Variants in PLEKHG1 observed in about 807,000 individuals in gnomAD.
PLEKHG1 encodes pleckstrin homology and RhoGEF domain containing G1.
Under a neutral mutation model 100.8 loss-of-function variants are expected in PLEKHG1, and 44 were observed. The observed-to-expected ratio is 0.44, with a 90% CI of 0.34 to 0.56. The LOEUF (loss-of-function observed/expected upper bound fraction) is 0.56. Among genes scored for constraint, PLEKHG1 ranks in the 20% least tolerant of loss-of-function variants. PLEKHG1 has a pLI of 0.01. For synonymous variants in PLEKHG1, 640 were observed against 662.5 expected, an observed-to-expected ratio of 0.97 and a Z score of 0.52; for missense variants, 1,545 against 1,720.9, an observed-to-expected ratio of 0.90 and a Z score of 1.81.
In PLEKHG1 at chr6:150,833,559, ACTGATCT is replaced by A. The variant is rs538174698; in HGVS notation, c.3094+1358_3094+1364del. On this transcript the variant is annotated intron_variant, in intron 15 of 15. Coordinates refer to ENST00000358517, the Ensembl canonical transcript of PLEKHG1. ...CTTTTTTTGAAGGCCAAAATTTAACACTGATCTCTGGGGAAGAGCCTAGCTGTGAATA... is the reference window on the plus strand; with the variant it reads ...CTTTTTTTGAAGGCCAAAATTTAACACTGGGGAAGAGCCTAGCTGTGAATA... Among the ~76,000 whole-genome samples the A allele has an allele frequency of 5.6e-4, 86 of 152,282 alleles. No homozygotes were observed. In the South Asian group the frequency reaches 9.1e-3, roughly 16 times the overall value.
intron 3 of PLEKHG1, among the ~76,000 whole-genome samples, chr6:150,782,904 G>A (rs1479884704): frequency 1.3e-5 from 2 of 152,110 alleles, no homozygotes; most frequent in South Asian, 4.1e-4. Flanking sequence ...AATTTGAGAA[G>A]AGCATCTAAC....
At chr6:150,776,124 A>C (rs578169343) in intron 3 of PLEKHG1, among the ~76,000 whole-genome samples, 1 of 152,298 alleles carries the variant, frequency 6.6e-6, no homozygotes, top group East Asian at 1.9e-4. Flanking sequence ...TTCACATGGG[A>C]TATGTTCTGT....
intron 1 of PLEKHG1, chr6:150,625,918 T>C (rs1268838348): frequency 6.6e-6 from 1 of 152,120 alleles, no homozygotes. Context: ...CAACTGGATA[T>C]TAGATGATGT....
chr6:150,815,694 C>A (rs1231797064), intron 10 of PLEKHG1, among the ~76,000 whole-genome samples: 1 of 152,180 alleles, frequency 6.6e-6, no homozygotes, highest in African/African-American at 2.4e-5. Flanking sequence ...AAGCCCCACA[C>A]TTTTTCACTA....
chr6:150,792,416 G>C (rs543331271), intron 4 of PLEKHG1, among the ~76,000 whole-genome samples: 1 of 150,438 alleles, frequency 6.6e-6, no homozygotes, highest in East Asian at 2.0e-4. Flanking sequence ...GCTCACACCT[G>C]TAATCCCAAC....
chr6:150,621,586 GC>G (rs760496921), intron 1 of PLEKHG1, among the ~76,000 whole-genome samples: 1 of 152,080 alleles, frequency 6.6e-6, no homozygotes, highest in Non-Finnish European at 1.5e-5. Flanking sequence ...TGTTGGCCAG[GC>G]TAGTCTTGAA....
intron 2 of PLEKHG1, among the ~76,000 whole-genome samples, chr6:150,750,697 C>T (rs1038185706): frequency 7.3e-6 from 1 of 136,066 alleles, no homozygotes; most frequent in Non-Finnish European, 1.5e-5. Flanking sequence ...AGGAGAATGG[C>T]GTGAACCCGG....
intron 2 of PLEKHG1, among the ~76,000 whole-genome samples, chr6:150,750,016 A>G (rs1460698907): frequency 3.3e-5 from 5 of 151,416 alleles, no homozygotes; most frequent in East Asian, 3.9e-4. Flanking sequence ...AGGTTGCAGT[A>G]AGCTGAGATC....
chr6:150,718,097 TAAA>T (rs1443055294), upstream of PLEKHG1, among the ~76,000 whole-genome samples: 1 of 152,062 alleles, frequency 6.6e-6, no homozygotes, highest in Admixed American at 6.6e-5. Context: ...ATTAATTAGA[TAAA>T]AAATTAAATG....
chr6:150,722,859 C>T (rs1419564354), intron 1 of PLEKHG1, among the ~76,000 whole-genome samples: 1 of 152,102 alleles, frequency 6.6e-6, no homozygotes, highest in African/African-American at 2.4e-5. Flanking sequence ...TATATATAAC[C>T]ATCACTGTTT....
At chr6:150,612,205 C>A (rs1020731873) in intron 1 of PLEKHG1, among the ~76,000 whole-genome samples, 2 of 152,208 alleles carry the variant, frequency 1.3e-5, no homozygotes, top group African/African-American at 4.8e-5. Context: ...CCCTTCCCAG[C>A]CTTTTAGACT....
chr6:150,835,319 C>T (rs1485940411), intron 15 of PLEKHG1, among the ~76,000 whole-genome samples: 1 of 152,118 alleles, frequency 6.6e-6, no homozygotes, highest in African/African-American at 2.4e-5. Flanking sequence ...GAGAAAACTC[C>T]ATACAGGCTT....
intron 3 of PLEKHG1, among the ~76,000 whole-genome samples, chr6:150,769,090 C>G (rs537954812): frequency 1.3e-5 from 2 of 152,274 alleles, no homozygotes; most frequent in African/African-American, 2.4e-5. Flanking sequence ...AACTTTTCTT[C>G]TACCTGGGGA....
exon 16 of PLEKHG1, chr6:150,840,635 A>G (rs1777479824): frequency 1.2e-6 from 2 of 1,614,150 alleles, no homozygotes; most frequent in African/African-American, 2.7e-5. Context: ...ACAATCGTAG[A>G]AGGAAATCTG....
intron 3 of PLEKHG1, among the ~76,000 whole-genome samples, chr6:150,775,907 T>C (rs906938839): frequency 1.3e-4 from 20 of 152,142 alleles, no homozygotes; most frequent in Admixed American, 1.3e-3. Flanking sequence ...AGTGAAATTA[T>C]TGGAGTAATT....
At chr6:150,825,555 G>A (rs1407032097) in intron 14 of PLEKHG1, among the ~76,000 whole-genome samples, 1 of 151,914 alleles carries the variant, frequency 6.6e-6, no homozygotes, top group Non-Finnish European at 1.5e-5. Context: ...CTGGGCAACA[G>A]AGTGAGATTC....
chr6:150,705,962 A>G (rs775532996), intron 3 of PLEKHG1, among the ~76,000 whole-genome samples: 1 of 152,196 alleles, frequency 6.6e-6, no homozygotes, highest in Non-Finnish European at 1.5e-5. Context: ...GTCAAAATGC[A>G]CAAATGCTCT....
intron 10 of PLEKHG1, among the ~76,000 whole-genome samples, chr6:150,811,649 AAG>A (rs1440227249): frequency 4.4e-5 from 6 of 137,226 alleles, no homozygotes; most frequent in Admixed American, 7.2e-5. Flanking sequence ...AAAAAAAAAA[AAG>A]AGAGAATGTA....
At chr6:150,625,196 A>G (rs548988221) in intron 1 of PLEKHG1, among the ~76,000 whole-genome samples, 5 of 152,298 alleles carry the variant, frequency 3.3e-5, no homozygotes, top group African/African-American at 1.2e-4. Flanking sequence ...AGAAGAGTAT[A>G]TTTATTTGCT....
Sources: gnomAD v4.1 joint callset for allele counts (sites outside exome capture counted in the v4.1 genomes callset) on GRCh38, gnomAD v4.1.1 for gene constraint, MANE v1.5 for transcripts, NCBI Gene and HGNC (gene_info 2026-07-23, HGNC 2026-07-21) for gene names.